CADPS2: variants seen among roughly 807,000 people sequenced by gnomAD.
The protein encoded by CADPS2 is calcium-dependent secretion activator 2.
CADPS2 carries 93 observed loss-of-function variants against 172.5 expected under a neutral mutation model. That is an observed-to-expected ratio of 0.54 (90% CI 0.46 to 0.64). CADPS2 has a LOEUF of 0.64. CADPS2 is among the 30% of genes least tolerant of loss of function. CADPS2 has a pLI of 0.00. For missense variants in CADPS2, 1,420 were observed against 1,565.9 expected (o/e 0.91, Z 1.57); for synonymous variants, 546 against 555.2 (o/e 0.98, Z 0.23).
At chr7:122,763,935 A>G (rs888907245) in intron 1 of CADPS2, among the ~76,000 whole-genome samples, 50 of 152,262 alleles carry the variant, frequency 3.3e-4, no homozygotes, top group Middle Eastern at 6.8e-3. Context: ...ATATGATTAC[A>G]TATTTGTTTC....
At chr7:122,511,404 CA>C (rs1393065308) in intron 9 of CADPS2, among the ~76,000 whole-genome samples, 2 of 151,986 alleles carry the variant, frequency 1.3e-5, no homozygotes, top group Non-Finnish European at 2.9e-5. Flanking sequence ...CCTTACCTGG[CA>C]AAAAGCATGA....
rs10263672 is a variant in CADPS2, at chr7:122,654,694, T to A, written c.786+8543A>T. On this transcript the variant is annotated intron_variant, in intron 3 of 29. Coordinates refer to ENST00000449022, the MANE Select transcript of CADPS2 (RefSeq NM_017954.11). ...ATAGAGATGTACAAGAAGATTCACA[T>A]TGATTTCATGCCTGCTAACATAAGA... Among the ~76,000 whole-genome samples, 17 of 152,322 alleles carry A rather than the reference T, an allele frequency of 1.1e-4. No individual in the cohort carries two copies. The South Asian group carries it at 3.5e-3, about 32-fold the overall frequency.
At chr7:122,466,774 A>C (rs1393622100) in intron 14 of CADPS2, among the ~76,000 whole-genome samples, 2 of 152,342 alleles carry the variant, frequency 1.3e-5, no homozygotes, top group Admixed American at 6.5e-5. Context: ...CACAAGGTAC[A>C]CATGGAGAAG....
chr7:122,393,156 C>T (rs1317110876), intron 22 of CADPS2, 40 bp downstream of exon 22: 2 of 1,605,942 alleles, frequency 1.2e-6, no homozygotes, highest in Non-Finnish European at 8.5e-7. Flanking sequence ...GGCCATGCAC[C>T]AGCTAACACA....
At chr7:122,341,981 T>G (rs916203469) in intron 28 of CADPS2, among the ~76,000 whole-genome samples, 3 of 152,210 alleles carry the variant, frequency 2.0e-5, no homozygotes, top group African/African-American at 7.2e-5. Flanking sequence ...GCAAAAAGTG[T>G]TTTGTAAATG....
chr7:122,686,171 T>A lies in CADPS2; in HGVS notation c.454-22602A>T, dbSNP rs1287031074. On this transcript the variant is annotated intron_variant, in intron 2 of 29. Coordinates refer to ENST00000449022, the MANE Select transcript of CADPS2 (RefSeq NM_017954.11). ...GTTCATACTTTTCAGTTTTTTTCTA[T>A]TCTTTTATTTATAAATTGCAAATTA... Among the ~76,000 whole-genome samples the A allele has an allele frequency of 2.6e-5, 4 of 152,226 alleles. No individual in the cohort carries two copies. In the East Asian group the frequency reaches 7.7e-4, roughly 29 times the overall value.
At chr7:122,574,172 A>C (rs1323746982) in intron 7 of CADPS2, among the ~76,000 whole-genome samples, 1 of 152,036 alleles carries the variant, frequency 6.6e-6, no homozygotes, top group Non-Finnish European at 1.5e-5. Context: ...TGGGCTGGGA[A>C]CAGTGGCTCA....
chr7:122,581,260 G>T lies in CADPS2; in HGVS notation c.1254C>A (p.Thr418=), dbSNP rs751204437. 1 of 1,613,136 alleles carries T rather than the reference G, an allele frequency of 6.2e-7. No individual in the cohort carries two copies. The highest frequency in any genetic ancestry group is 1.1e-5 in the South Asian group (1 of 91,062). The change falls in exon 7 of 30, where the codon ACC becomes ACA. Residue 418 remains threonine (T), a synonymous_variant. Transcript: ENST00000449022. The part of the protein sequence containing the change: ...QWGTQGDFTT[T]HPRPVVKVKL... ...TCACTTTGACCACAGGCCGAGGATG[G>T]GTGGTGGTGAAATCTCCTTGAGTCC...
intron 11 of CADPS2, among the ~76,000 whole-genome samples, chr7:122,484,844 C>T (rs983570840): frequency 1.3e-5 from 2 of 151,972 alleles, no homozygotes; most frequent in African/African-American, 4.8e-5. Flanking sequence ...TCGTGGCAAC[C>T]CTGTGTCAAG....
In CADPS2 at chr7:122,504,036, T is replaced by C. The variant is rs28700913; in HGVS notation, c.1542+9213A>G. ...GGAAGTGAAGGGAAGATAAACCAGG[T>C]TTAACAGATCAATCTGCTATGTCAA... On this transcript the variant is annotated intron_variant, in intron 9 of 29. Coordinates refer to ENST00000449022, the MANE Select transcript of CADPS2 (RefSeq NM_017954.11). Among the ~76,000 whole-genome samples, 231 of 152,278 alleles carry C rather than the reference T, an allele frequency of 1.5e-3. 1 individual carries two copies. Among genetic ancestry groups the C allele is most frequent in the African/African-American group, 5.3e-3 (219 of 41,566 alleles).
At chr7:122,454,554 T>C (rs1303956165) in intron 14 of CADPS2, among the ~76,000 whole-genome samples, 1 of 152,204 alleles carries the variant, frequency 6.6e-6, no homozygotes, top group African/African-American at 2.4e-5. Flanking sequence ...ATCTGACTTG[T>C]CTAAGGTGGA....
chr7:122,665,870 G>A (rs2081139563), intron 2 of CADPS2, among the ~76,000 whole-genome samples: 1 of 152,070 alleles, frequency 6.6e-6, no homozygotes, highest in Non-Finnish European at 1.5e-5. Flanking sequence ...TATTTTTTAT[G>A]TTTTTAAGGC....
At chr7:122,587,628 C>A (rs1490919884) in intron 6 of CADPS2, among the ~76,000 whole-genome samples, 1 of 151,926 alleles carries the variant, frequency 6.6e-6, no homozygotes, top group Non-Finnish European at 1.5e-5. Flanking sequence ...TGGTATATAC[C>A]CAGTAATGGG....
intron 8 of CADPS2, among the ~76,000 whole-genome samples, chr7:122,544,036 T>C (rs2063366638): frequency 6.6e-6 from 1 of 152,170 alleles, no homozygotes; most frequent in Non-Finnish European, 1.5e-5. Flanking sequence ...CTTGTAAAGA[T>C]AAACATTCAC....
At chr7:122,849,868 A>G (rs1813048274) in intron 1 of CADPS2, 2 of 582,500 alleles carry the variant, frequency 3.4e-6, no homozygotes, top group South Asian at 1.5e-5. Flanking sequence ...GGCAGATCTC[A>G]AGCCAGGCCT....
At chr7:122,566,886 G>A (rs918829902) in intron 7 of CADPS2, among the ~76,000 whole-genome samples, 5 of 152,116 alleles carry the variant, frequency 3.3e-5, no homozygotes. Flanking sequence ...ACATTAATTG[G>A]ACATACACTG....
rs373617470 is a variant in CADPS2 at position 122,859,644 on chromosome 7, G to T, written c.339+26355C>A. Among the ~76,000 whole-genome samples the T allele has an allele frequency of 2.6e-4, 39 of 152,142 alleles. No homozygotes were observed. The Middle Eastern group carries it at 0.01, about 40-fold the overall frequency. ...ATAGTCATCCTTTGTTATCCATGAG[G>T]GATAGGTTCCAGGACCCCCATGAAT... On this transcript the variant is annotated intron_variant, in intron 1 of 29. Coordinates refer to ENST00000449022, the MANE Select transcript of CADPS2 (RefSeq NM_017954.11).
In CADPS2 at chr7:122,361,004, C is replaced by G; in HGVS notation, c.3397G>C (p.Val1133Leu). Residue 1133 changes from valine to leucine, a missense_variant, in exon 26 of 30, where the codon GTG becomes CTG. Physicochemically the swap from Val to Leu is conservative, Grantham distance 32. Transcript: ENST00000449022. ...AGCTTAGACAACACGCCTTCCAACA[C>G]TGAAACAAACTATAATACAGTTATA... The part of the protein sequence containing the change: ...ISLLVSKFVS[V>L]LEGVLSKLSR... The G allele has an allele frequency of 6.2e-7, 1 of 1,613,212 alleles. No homozygotes were observed.
intron 1 of CADPS2, among the ~76,000 whole-genome samples, chr7:122,842,042 T>C (rs747419207): frequency 1.4e-4 from 21 of 152,154 alleles, no homozygotes; most frequent in Non-Finnish European, 2.4e-4. Context: ...TGTTACCTCC[T>C]AGGCTGGAAA....
Sources: gnomAD v4.1 joint callset for allele counts (sites outside exome capture counted in the v4.1 genomes callset) on GRCh38, gnomAD v4.1.1 for gene constraint, MANE v1.5 for transcripts, NCBI Gene and HGNC (gene_info 2026-07-23, HGNC 2026-07-21) for gene names.